Variants in ATG5 observed in about 807,000 individuals in gnomAD.
ATG5 encodes autophagy protein 5.
A neutral mutation model predicts 36.5 loss-of-function variants in ATG5; 14 were observed. That is an observed-to-expected ratio of 0.38 (90% CI 0.25 to 0.60). The LOEUF (loss-of-function observed/expected upper bound fraction) is 0.60, where lower values mean the gene tolerates loss of function less well. Ranked by LOEUF, ATG5 falls within the 20% of genes least tolerant of loss-of-function variation. The pLI, the probability that ATG5 is intolerant of heterozygous loss-of-function variation, is 0.60. For synonymous variants in ATG5, 95 were observed against 101.5 expected (o/e 0.94, Z 0.38); for missense variants, 195 against 326.7 (o/e 0.60, Z 3.11).
intron 7 of ATG5, among the ~76,000 whole-genome samples, chr6:106,192,546 A>T (rs1211952544): frequency 6.6e-6 from 1 of 152,190 alleles, no homozygotes; most frequent in East Asian, 1.9e-4. Flanking sequence ...TGTATCTTTA[A>T]GGGAAATTCA....
chr6:106,324,818 T>C (rs1393789479), intron 1 of ATG5, among the ~76,000 whole-genome samples: 1 of 152,218 alleles, frequency 6.6e-6, no homozygotes, highest in Non-Finnish European at 1.5e-5. Context: ...ACTCCCTCTA[T>C]GGAAATCACA....
chr6:106,234,183 T>C (rs1326778248), intron 6 of ATG5, among the ~76,000 whole-genome samples: 3 of 152,054 alleles, frequency 2.0e-5, no homozygotes, highest in East Asian at 1.9e-4. Flanking sequence ...CTGACCCGGG[T>C]ACATAGCACC....
intron 6 of ATG5, among the ~76,000 whole-genome samples, chr6:106,223,395 AAT>A (rs1460576753): frequency 6.6e-6 from 1 of 152,244 alleles, no homozygotes; most frequent in Non-Finnish European, 1.5e-5. Context: ...GCTTATAATT[AAT>A]AGTTGTTTTC....
chr6:106,205,874 C>G (rs1776610334), intron 6 of ATG5, among the ~76,000 whole-genome samples: 1 of 152,100 alleles, frequency 6.6e-6, no homozygotes, highest in East Asian at 1.9e-4. Flanking sequence ...TAATGAAAAT[C>G]TTATTTTAAA....
chr6:106,267,590 T>C (rs551427397), intron 5 of ATG5, among the ~76,000 whole-genome samples: 83 of 152,242 alleles, frequency 5.5e-4, no homozygotes, highest in African/African-American at 1.9e-3. Context: ...CTTCAAACTA[T>C]ATTACAAGGC....
rs557074309 is a variant in ATG5 at position 106,232,664 on chromosome 6, T to C, written c.573+15486A>G. Among the ~76,000 whole-genome samples, 25 of 152,236 alleles carry C rather than the reference T, an allele frequency of 1.6e-4. 1 individual carries two copies. The South Asian group carries it at 5.2e-3, about 32-fold the overall frequency. Reference sequence around the variant, plus strand: ...AAAAGCCCAAGGCCTAGTAAAAGCATGCAATAGCCCCTACAATAATCCAAC... The same window carrying C: ...AAAAGCCCAAGGCCTAGTAAAAGCACGCAATAGCCCCTACAATAATCCAAC... On this transcript the variant is annotated intron_variant, in intron 6 of 7. Transcript: ENST00000369076.
chr6:106,316,356 C>T (rs1320143857), intron 1 of ATG5, 90 bp from the exon 2 acceptor site: 1 of 440,500 alleles, frequency 2.3e-6, no homozygotes, highest in Non-Finnish European at 3.9e-6. Context: ...AAATCCATGC[C>T]ATAAAGATTA....
In ATG5 at chr6:106,299,477, A is replaced by G. The variant is rs572465405; in HGVS notation, c.237-6371T>C. 7.2e-5 allele frequency among the ~76,000 whole-genome samples: 11 copies of G among 152,350 alleles called. No homozygotes were observed. The South Asian group carries it at 8.3e-4, about 11-fold the overall frequency. ...CCAGAACTGTATTTTCTGTGTAAAT[A>G]AGAGGACCCAACTAGCTAAAGACTC... On this transcript the variant is annotated intron_variant, in intron 3 of 7. Transcript: ENST00000369076.
intron 6 of ATG5, among the ~76,000 whole-genome samples, chr6:106,213,068 A>C (rs1183448759): frequency 6.6e-6 from 1 of 152,238 alleles, no homozygotes. Flanking sequence ...CTAACATATA[A>C]GTAGCCTGGA....
intron 5 of ATG5, among the ~76,000 whole-genome samples, chr6:106,261,488 T>TC (rs1367065979): frequency 1.3e-5 from 2 of 152,204 alleles, no homozygotes; most frequent in Non-Finnish European, 2.9e-5. Flanking sequence ...ATGAGAAACT[T>TC]CATAAATGGG....
intron 5 of ATG5, among the ~76,000 whole-genome samples, chr6:106,262,287 A>G (rs1296582248): frequency 2.0e-5 from 3 of 152,082 alleles, no homozygotes; most frequent in Non-Finnish European, 4.4e-5. Flanking sequence ...GCTGGTCTTG[A>G]ACTCCTGACC....
intron 5 of ATG5, among the ~76,000 whole-genome samples, chr6:106,262,225 A>T (rs1422569585): frequency 1.3e-5 from 2 of 152,128 alleles, no homozygotes; most frequent in Non-Finnish European, 2.9e-5. Context: ...GGCGTGTGCC[A>T]TGCCTAATTT....
At chr6:106,224,835 C>G (rs1053017968) in intron 6 of ATG5, among the ~76,000 whole-genome samples, 1 of 152,104 alleles carries the variant, frequency 6.6e-6, no homozygotes, top group African/African-American at 2.4e-5. Flanking sequence ...GAGCTGAGAT[C>G]GCACCATTGC....
intron 3 of ATG5, among the ~76,000 whole-genome samples, chr6:106,303,863 G>A (rs1031359521): frequency 3.0e-4 from 46 of 151,666 alleles, no homozygotes; most frequent in African/African-American, 1.1e-3. Flanking sequence ...ATCTATTCAT[G>A]ACAATTGTGA....
At chr6:106,290,556 ATCC>A (rs1780266359) in intron 4 of ATG5, among the ~76,000 whole-genome samples, 1 of 152,080 alleles carries the variant, frequency 6.6e-6, no homozygotes, top group Non-Finnish European at 1.5e-5. Context: ...GGCTCAAGCA[ATCC>A]TCCTGCCTCA....
intron 7 of ATG5, among the ~76,000 whole-genome samples, chr6:106,189,455 CCAAA>C (rs1297391089): frequency 2.6e-5 from 4 of 151,588 alleles, no homozygotes; most frequent in African/African-American, 7.3e-5. Flanking sequence ...AAAAACTCAA[CCAAA>C]CAAAGATTAG....
At chr6:106,224,651 G>A (rs368283358) in intron 6 of ATG5, among the ~76,000 whole-genome samples, 4 of 152,188 alleles carry the variant, frequency 2.6e-5, no homozygotes, top group South Asian at 2.1e-4. Context: ...CTGGGTGGGC[G>A]GATCACCTGA....
chr6:106,292,876 G>C (rs2114630236), intron 4 of ATG5, 152 bp downstream of exon 4: 1 of 573,426 alleles, frequency 1.7e-6, no homozygotes, highest in South Asian at 2.9e-5. Flanking sequence ...AAATTGAAAA[G>C]TATCTTATAG....
intron 7 of ATG5, among the ~76,000 whole-genome samples, chr6:106,200,254 C>T: frequency 6.6e-6 from 1 of 152,168 alleles, no homozygotes; most frequent in East Asian, 1.9e-4. Context: ...CCTAATTCTA[C>T]TACTTAGGCA....
Sources: gnomAD v4.1 joint callset for allele counts (sites outside exome capture counted in the v4.1 genomes callset) on GRCh38, gnomAD v4.1.1 for gene constraint, MANE v1.5 for transcripts, NCBI Gene and HGNC (gene_info 2026-07-23, HGNC 2026-07-21) for gene names.